The following MKI67 variants were observed in gnomAD, a reference collection of about 807,000 sequenced individuals.
The protein encoded by MKI67 is proliferation marker protein Ki-67.
Under a neutral mutation model 233.5 loss-of-function variants are expected in MKI67, and 152 were observed. The ratio of observed to expected loss-of-function variants is 0.65; its 90% CI spans 0.57 to 0.74. The LOEUF (loss-of-function observed/expected upper bound fraction) is 0.74, where lower values mean the gene tolerates loss of function less well. Ranked by LOEUF, MKI67 falls within the 30% of genes least tolerant of loss-of-function variation. The pLI is 0.00. For synonymous variants in MKI67, 1,465 were observed against 1,418.5 expected, an observed-to-expected ratio of 1.03 and a Z score of -0.74; for missense variants, 3,940 against 3,885.2, an observed-to-expected ratio of 1.01 and a Z score of -0.37.
chr10:128,111,603 G>A (rs762100066), intron 11 of MKI67, 42 bp downstream of exon 11: 20 of 1,473,220 alleles, frequency 1.4e-5, no homozygotes, highest in African/African-American at 2.9e-5. Context: ...GTAAAAAACA[G>A]TAGAGTCAAA....
chr10:128,100,909 G>C (rs1054577253), intron 14 of MKI67, among the ~76,000 whole-genome samples: 15 of 152,162 alleles, frequency 9.9e-5, no homozygotes, highest in Non-Finnish European at 1.9e-4. Context: ...CCTGTTTCAA[G>C]AGGTGATTTT....
Position 128,106,597 on chromosome 10 carries a change from G to A in MKI67, c.5243C>T (p.Pro1748Leu), listed in dbSNP as rs1027114631. ...RASQPDLVDTPTSSKPQPKRS... is the reference protein window; with the variant it reads ...RASQPDLVDTLTSSKPQPKRS... ...CTTGGGCTGTGGCTTGGAGCTTGTT[G>A]GGGTGTCCACTAGGTCTGGCTGTGA... Residue 1748 changes from proline to leucine, a missense_variant, in exon 13 of 15, where the codon CCA becomes CTA. Pro to Leu is a moderately conservative substitution (Grantham distance 98). Transcript: ENST00000368654. The A allele has an allele frequency of 2.0e-5, 33 of 1,614,202 alleles. No individual in the cohort carries two copies. Among genetic ancestry groups the A allele is most frequent in the African/African-American group, 2.7e-5 (2 of 75,052 alleles).
At position 128,105,213 on chromosome 10, in the gene MKI67, C is replaced by T; in HGVS notation, c.6627G>A (p.Lys2209=). The stretch of plus-strand genomic sequence containing the variant: ...TGGTAGTTTTCTCATGAGTCGTGGG[C>T]TTGTCAGTGCATATTGGTGTCTGGA... ...ELFQTPICTD[K]PTTHEKTTKI... Residue 2209 remains lysine (K), a synonymous_variant, in exon 13 of 15, where the codon AAG becomes AAA. Coordinates refer to ENST00000368654, the MANE Select transcript of MKI67 (RefSeq NM_002417.5). 6.2e-7 allele frequency: 1 copy of T among 1,613,446 alleles called. No homozygotes were observed. The highest frequency in any genetic ancestry group is 8.5e-7 in the Non-Finnish European group (1 of 1,179,868).
At chr10:128,123,772 C>T (rs1264465870) in intron 2 of MKI67, among the ~76,000 whole-genome samples, 1 of 152,038 alleles carries the variant, frequency 6.6e-6, no homozygotes, top group Non-Finnish European at 1.5e-5. Flanking sequence ...AGATTCAAGT[C>T]TCTAAACAAT....
In MKI67 at chr10:128,110,474, G is replaced by A; in HGVS notation, c.2320C>T (p.His774Tyr). 1.9e-6 allele frequency: 3 copies of A among 1,583,962 alleles called. No homozygotes were observed. The highest frequency in any genetic ancestry group is 1.1e-5 in the South Asian group (1 of 88,468). Reference sequence around the variant, plus strand: ...TTCTCTGAATTTGAAATAGCGATGTGACATGTGCTTGTCAACTGCGGTTGC... The same window carrying A: ...TTCTCTGAATTTGAAATAGCGATGTAACATGTGCTTGTCAACTGCGGTTGC... ...KEQPQLTSTCHIAISNSENLL... is the reference protein window; with the variant it reads ...KEQPQLTSTCYIAISNSENLL... Residue 774 changes from histidine (H) to tyrosine (Y), a missense_variant, in exon 12 of 15, where the codon CAC (histidine) becomes TAC (tyrosine). Physicochemically the swap from His to Tyr is moderately conservative, Grantham distance 83. Coordinates refer to ENST00000368654, the MANE Select transcript of MKI67 (RefSeq NM_002417.5).
In MKI67 at chr10:128,104,693, CTGA is replaced by C; in HGVS notation, c.7144_7146del (p.Ser2382del). 1 of 1,614,030 alleles carries C rather than the reference CTGA, an allele frequency of 6.2e-7. No homozygotes were observed. The highest frequency in any genetic ancestry group is 8.5e-7 in the Non-Finnish European group (1 of 1,180,016). On this transcript the variant is annotated inframe_deletion, in exon 13 of 15. Coordinates refer to ENST00000368654, the MANE Select transcript of MKI67 (RefSeq NM_002417.5). ...TTTGGTGTGTCCATGGCTTTGCCTG[CTGA>C]TGGTGTTCGTTTCCTGAGTGCTAAA...
Position 128,111,932 on chromosome 10 carries a change from G to C in MKI67, c.2083C>G (p.Pro695Ala). The C allele has an allele frequency of 6.2e-7, 1 of 1,610,552 alleles. No individual in the cohort carries two copies. The highest frequency in any genetic ancestry group is 8.5e-7 in the Non-Finnish European group (1 of 1,178,730). The change falls in exon 10 of 15, where the codon CCA (proline) becomes GCA (alanine). Residue 695 changes from proline (P) to alanine (A), a missense_variant. Physicochemically the swap from Pro to Ala is conservative, Grantham distance 27 (BLOSUM62 -1). Transcript: ENST00000368654. ...CCATTCAGTGAGGCCCCTACCTTTG[G>C]AGTAGCAGGTCTTCTTTGCCTTTTG... The part of the protein sequence containing the change: ...MNKRQRRPAT[P>A]KKPVGEVHSQ...
rs774437144 is a variant in MKI67, at chr10:128,109,309, G to A, written c.2531C>T (p.Thr844Met). 4.0e-5 allele frequency: 65 copies of A among 1,613,980 alleles called. No homozygotes were observed. Among genetic ancestry groups the A allele is most frequent in the Non-Finnish European group, 5.2e-5 (61 of 1,180,034 alleles). Reference sequence around the variant, plus strand: ...AGTCATTTTGTAGGTGTTCCTGGGCGTTTTTGCTACGTTTCCATTTTCTCT... The same window carrying A: ...AGTCATTTTGTAGGTGTTCCTGGGCATTTTTGCTACGTTTCCATTTTCTCT... ...CIRENGNVAK[T>M]PRNTYKMTSL... Residue 844 changes from threonine (T) to methionine (M), a missense_variant, in exon 13 of 15, where the codon ACG becomes ATG. By Grantham distance (81) the Thr-to-Met change is moderately conservative. Transcript: ENST00000368654.
At position 128,103,134 on chromosome 10, in the gene MKI67, C is replaced by A; in HGVS notation, c.8706G>T (p.Arg2902Ser). The A allele has an allele frequency of 6.2e-7, 1 of 1,614,196 alleles. No individual in the cohort carries two copies. Among genetic ancestry groups the A allele is most frequent in the Non-Finnish European group, 8.5e-7 (1 of 1,180,042 alleles). Residue 2902 changes from arginine to serine, a missense_variant, in exon 13 of 15, where the codon AGG becomes AGT. Transcript: ENST00000368654. ...KLDAEDVIGS[R>S]RQPRAPKEKA... ...TTTCCTTAGGTGCTCTTGGCTGTCT[C>A]CTGCTGCCAATTACATCTTCTGCGT... is the stretch of plus-strand genomic sequence containing the variant.
chr10:128,102,294 G>A (rs564988256), intron 13 of MKI67, among the ~76,000 whole-genome samples: 4 of 152,284 alleles, frequency 2.6e-5, no homozygotes, highest in African/African-American at 9.6e-5. Context: ...CCTATCCTCT[G>A]ATCAATTTTT....
At chr10:128,114,317 C>T (rs1361123629) in intron 7 of MKI67, among the ~76,000 whole-genome samples, 1 of 152,196 alleles carries the variant, frequency 6.6e-6, no homozygotes, top group African/African-American at 2.4e-5. Context: ...ACCTCTGCCA[C>T]TTCCTGACTG....
intron 4 of MKI67, among the ~76,000 whole-genome samples, chr10:128,122,058 CA>C (rs1295089670): frequency 3.9e-5 from 6 of 152,262 alleles, no homozygotes; most frequent in African/African-American, 1.4e-4. Flanking sequence ...AGTGATTAGA[CA>C]ACAGCATTTT....
At chr10:128,121,601 A>AT (rs1554959787) in intron 4 of MKI67, among the ~76,000 whole-genome samples, 3 of 139,026 alleles carry the variant, frequency 2.2e-5, no homozygotes, top group Non-Finnish European at 4.6e-5. Flanking sequence ...TGATATATAT[A>AT]ATAATTATAT....
chr10:128,113,737 T>C (rs1458454309), intron 7 of MKI67, 135 bp from the exon 8 acceptor site: 2 of 759,566 alleles, frequency 2.6e-6, no homozygotes, highest in East Asian at 5.4e-5. Flanking sequence ...GCCTCTATTC[T>C]TGCAATCCTG....
In MKI67 at chr10:128,104,436, C is replaced by G. The variant is rs371204334; in HGVS notation, c.7404G>C (p.Gln2468His). 5 of 1,613,714 alleles carry G rather than the reference C, an allele frequency of 3.1e-6. No homozygotes were observed. Among genetic ancestry groups the G allele is most frequent in the Non-Finnish European group, 3.4e-6 (4 of 1,179,942 alleles). ...KITEVSCKSPQPESFKTSRSS... is the reference protein window; with the variant it reads ...KITEVSCKSPHPESFKTSRSS... ...TTCTTGAGGTTTTGAATGACTCTGG[C>G]TGTGGAGATTTACAGGATACTTCTG... The change falls in exon 13 of 15, where the codon CAG (glutamine) becomes CAC (histidine). Residue 2468 changes from glutamine (Q) to histidine (H), a missense_variant. Physicochemically the swap from Gln to His is conservative, Grantham distance 24. Transcript: ENST00000368654.
chr10:128,101,044 G>A (rs901815139), intron 14 of MKI67, among the ~76,000 whole-genome samples: 5 of 152,178 alleles, frequency 3.3e-5, no homozygotes, highest in South Asian at 2.1e-4. Flanking sequence ...ACGTGAATTT[G>A]CTATTTGAAG....
intron 11 of MKI67, 25 bp downstream of exon 11, chr10:128,111,620 A>AC: frequency 6.4e-7 from 1 of 1,570,954 alleles, no homozygotes; most frequent in Admixed American, 1.9e-5. Context: ...CAAAAGATTT[A>AC]TAAGATCTAA....
intron 11 of MKI67, among the ~76,000 whole-genome samples, chr10:128,111,357 C>T (rs941571881): frequency 6.6e-6 from 1 of 152,220 alleles, no homozygotes. Context: ...CACTGTAAAG[C>T]ACCTTCCAGC....
In MKI67 at chr10:128,111,951, C is replaced by A; in HGVS notation, c.2064G>T (p.Arg688Ser). The A allele has an allele frequency of 6.2e-7, 1 of 1,612,510 alleles. No homozygotes were observed. The highest frequency in any genetic ancestry group is 8.5e-7 in the Non-Finnish European group (1 of 1,179,556). ...KHGPQRSMNK[R>S]QRRPATPKKP... ...CCTTTGGAGTAGCAGGTCTTCTTTG[C>A]CTTTTGTTCATTGACCTTTGAGGAC... Residue 688 changes from arginine (R) to serine (S), a missense_variant, in exon 10 of 15, where the codon AGG becomes AGT. Coordinates refer to ENST00000368654, the MANE Select transcript of MKI67 (RefSeq NM_002417.5).
Sources: gnomAD v4.1 joint callset for allele counts (sites outside exome capture counted in the v4.1 genomes callset) on GRCh38, gnomAD v4.1.1 for gene constraint, MANE v1.5 for transcripts, NCBI Gene and HGNC (gene_info 2026-07-23, HGNC 2026-07-21) for gene names.